SETD1B: variants seen among roughly 807,000 people sequenced by gnomAD.
SETD1B encodes the protein SET domain containing 1B, histone lysine methyltransferase, also known as histone-lysine N-methyltransferase SETD1B.
SETD1B carries 7 observed loss-of-function variants against 148.0 expected under a neutral mutation model. That is an observed-to-expected ratio of 0.05 (90% CI 0.03 to 0.09). The LOEUF (loss-of-function observed/expected upper bound fraction) is 0.09. Among genes scored for constraint, SETD1B ranks in the 10% least tolerant of loss-of-function variants. The pLI is 1.00. For synonymous variants in SETD1B, 1,361 were observed against 1,186.5 expected (o/e 1.15, Z -3.02); for missense variants, 2,155 against 2,729.9 (o/e 0.79, Z 4.69).
chr12:121,820,707 G>A (rs758046397), intron 11 of SETD1B, among the ~76,000 whole-genome samples: 5 of 152,126 alleles, frequency 3.3e-5, no homozygotes, highest in Non-Finnish European at 7.3e-5. Flanking sequence ...CTAATTTTTT[G>A]TATTTTTAGT....
At chr12:121,821,041 A>G (rs1876542987) in intron 11 of SETD1B, among the ~76,000 whole-genome samples, 1 of 152,222 alleles carries the variant, frequency 6.6e-6, no homozygotes, top group South Asian at 2.1e-4. Context: ...GTGCAGATTT[A>G]GGTATACCAG....
intron 4 of SETD1B, among the ~76,000 whole-genome samples, chr12:121,806,951 G>A (rs1240237918): frequency 6.6e-6 from 1 of 152,182 alleles, no homozygotes; most frequent in African/African-American, 2.4e-5. Context: ...AGTGCTTTGA[G>A]GGCCAGCCAG....
At position 121,806,394 on chromosome 12, in the gene SETD1B, A is replaced by T. The variant is rs534925649; in HGVS notation, c.544+289A>T. ...GACACCCCCGCGGGCCCCCTCTCTG[A>T]GCCCTGGTGGCTTGGGTTTAGACAG... On this transcript the variant is annotated intron_variant, in intron 4 of 16. Coordinates refer to ENST00000604567, the MANE Select transcript of SETD1B (RefSeq NM_001353345.2). Among the ~76,000 whole-genome samples, 5 of 152,014 alleles carry T rather than the reference A, an allele frequency of 3.3e-5. No homozygotes were observed. In the East Asian group the frequency reaches 9.7e-4, roughly 29 times the overall value.
rs530729570 is a variant in SETD1B, at chr12:121,831,010, C to G, written c.*771C>G. On this transcript the variant is annotated 3_prime_UTR_variant, in exon 17 of 17. Transcript: ENST00000604567. ...CCTGCCACCTCACACCCCAGCACCC[C>G]CTAAACCTTGGGTTCAATGTTTACT... 1 of 152,618 alleles carries G rather than the reference C, an allele frequency of 6.6e-6. No homozygotes were observed. The highest frequency in any genetic ancestry group is 2.1e-4 in the South Asian group (1 of 4,822). The allele number at this position is 152,618 out of a possible 1,614,324, so 9.5% of individuals were successfully genotyped here.
rs1421899718 is a variant in SETD1B, at chr12:121,810,573, T to C, written c.1628T>C (p.Leu543Pro). ...ISSSSSQLSPLAPFGTNSQPG... is the reference protein window; with the variant it reads ...ISSSSSQLSPPAPFGTNSQPG... Reference sequence around the variant, plus strand: ...TCCTCCTCCTCCCAGCTCTCCCCACTGGCCCCCTTTGGCACCAACTCCCAG... The same window carrying C: ...TCCTCCTCCTCCCAGCTCTCCCCACCGGCCCCCTTTGGCACCAACTCCCAG... The change falls in exon 6 of 17, where the codon CTG becomes CCG. Residue 543 changes from leucine to proline, a missense_variant. This residue lies in a region of SETD1B where 295 missense variants were observed against 303.8 expected (regional missense o/e 0.97). Transcript: ENST00000604567. This position sits in a 1 kb window ranked among gnomAD's most constrained non-coding sequence, Gnocchi z 7.6. 6.5e-7 allele frequency: 1 copy of C among 1,548,098 alleles called. No individual in the cohort carries two copies. Among genetic ancestry groups the C allele is most frequent in the Non-Finnish European group, 8.7e-7 (1 of 1,146,948 alleles).
At chr12:121,822,468 G>A (rs1876603875) in intron 11 of SETD1B, 22 bp from the exon 12 acceptor site, 7 of 1,513,250 alleles carry the variant, frequency 4.6e-6, no homozygotes, top group Admixed American at 2.1e-5. Context: ...TAAATGTCTC[G>A]TGTTCGCTCA....
At position 121,825,306 on chromosome 12, in the gene SETD1B, C is replaced by T. The variant is rs1239769144; in HGVS notation, c.5277C>T (p.Asp1759=). The T allele has an allele frequency of 1.3e-6, 2 of 1,551,864 alleles. No individual in the cohort carries two copies. The highest frequency in any genetic ancestry group is 2.4e-5 in the South Asian group (2 of 84,066). Residue 1759 remains aspartate, a synonymous_variant, in exon 13 of 17, where the codon GAC becomes GAT. Transcript: ENST00000604567. ...GCTTCTACACCATCGACAAGAAGGACAAGCTCAGATACCTCAACAGCAGCC... is the reference window on the plus strand; with the variant it reads ...GCTTCTACACCATCGACAAGAAGGATAAGCTCAGATACCTCAACAGCAGCC... The part of the protein sequence containing the change: ...SEGFYTIDKK[D]KLRYLNSSRA...
At chr12:121,799,866 G>A (rs1003506021), upstream of SETD1B, 1 of 152,208 alleles carries the variant, frequency 6.6e-6, no homozygotes, top group African/African-American at 2.4e-5. Flanking sequence ...AGGACTGTCA[G>A]AGTCAAACTA....
the SETD1B span, among the ~76,000 whole-genome samples, chr12:121,796,868 G>A: frequency 1.3e-5 from 2 of 152,080 alleles, no homozygotes; most frequent in Non-Finnish European, 2.9e-5. Flanking sequence ...GAGAAACCCT[G>A]TCTCTACTAA....
rs1877066361 is a variant in SETD1B, at chr12:121,830,975, C to T, written c.*736C>T. 6.6e-6 allele frequency: 1 copy of T among 152,420 alleles called. No individual in the cohort carries two copies. The highest frequency in any genetic ancestry group is 2.1e-4 in the South Asian group (1 of 4,838). 9.4% of individuals were successfully genotyped at this position (152,420 alleles called of 1,614,324 possible). ...GCTGTCCCAGGCAGGGGTCTCCGCT[C>T]TGGGCTTTCCCTGCCACCTCACACC... On this transcript the variant is annotated 3_prime_UTR_variant, in exon 17 of 17. Transcript: ENST00000604567. This position sits in a 1 kb window ranked among gnomAD's most constrained non-coding sequence, Gnocchi z 5.7.
chr12:121,812,817 C>G (rs944851571), intron 6 of SETD1B, among the ~76,000 whole-genome samples: 3 of 152,056 alleles, frequency 2.0e-5, no homozygotes, highest in Admixed American at 6.5e-5. Context: ...AAGTCCAGAG[C>G]TTCCTGCCGC....
intron 13 of SETD1B, among the ~76,000 whole-genome samples, chr12:121,825,713 C>T (rs1876809013): frequency 6.6e-6 from 1 of 152,008 alleles, no homozygotes; most frequent in Non-Finnish European, 1.5e-5. Flanking sequence ...GGCACAGTCT[C>T]AGCTCACTGC....
At chr12:121,825,600 C>T (rs1020305760) in intron 13 of SETD1B, among the ~76,000 whole-genome samples, 7 of 151,800 alleles carry the variant, frequency 4.6e-5, no homozygotes, top group African/African-American at 1.7e-4. Flanking sequence ...AGGGATGTGA[C>T]GGAGCTGTAT....
At position 121,815,278 on chromosome 12, in the gene SETD1B, A is replaced by G. The variant is rs77935279; in HGVS notation, c.2715+348A>G. Among the ~76,000 whole-genome samples the G allele has an allele frequency of 4.4e-3, 675 of 152,298 alleles. 4 individuals carry two copies. The highest frequency in any genetic ancestry group is 0.015 in the African/African-American group (617 of 41,548). ...CCCATCTCTAAAAATAAATGTGCAA[A>G]TTAACTTAAATGAATTAAAACAGAG... On this transcript the variant is annotated intron_variant, in intron 7 of 16. Transcript: ENST00000604567.
intron 6 of SETD1B, among the ~76,000 whole-genome samples, chr12:121,813,050 C>T (rs1876116349): frequency 6.6e-6 from 1 of 152,118 alleles, no homozygotes; most frequent in African/African-American, 2.4e-5. Flanking sequence ...CACATTTACC[C>T]CTCACCACCG....
In SETD1B at chr12:121,810,950, A is replaced by G; in HGVS notation, c.1890+115A>G. The G allele has an allele frequency of 7.8e-7, 1 of 1,285,670 alleles. No homozygotes were observed. Among genetic ancestry groups the G allele is most frequent in the South Asian group, 1.7e-5 (1 of 60,332 alleles). 79.6% of individuals were successfully genotyped at this position (1,285,670 alleles called of 1,614,324 possible). On this transcript the variant is annotated intron_variant, in intron 6 of 16. Transcript: ENST00000604567. This position sits in a 1 kb window ranked among gnomAD's most constrained non-coding sequence, Gnocchi z 7.6. ...AGATGCGGAAGCAATGGGGCTAGGA[A>G]AGCCAATATAACAGGTGGAACTTAC...
In SETD1B at chr12:121,822,844, T is replaced by C; in HGVS notation, c.4265T>C (p.Leu1422Pro). ...TCCCCTAGCTTGAGCAGTGGGGGCC[T>C]CCCTCGGACACCTGGCCGGGACTTC... ...APSPSLSSGG[L>P]PRTPGRDFSF... is the part of the protein sequence containing the mutation. Residue 1422 changes from leucine to proline, a missense_variant, in exon 12 of 17, where the codon CTC (leucine) becomes CCC (proline). By Grantham distance (98) the Leu-to-Pro change is moderately conservative. Transcript: ENST00000604567. 3 of 1,487,860 alleles carry C rather than the reference T, an allele frequency of 2.0e-6. No homozygotes were observed. Among genetic ancestry groups the C allele is most frequent in the Non-Finnish European group, 2.7e-6 (3 of 1,113,696 alleles). The allele number at this position is 1,487,860 out of a possible 1,614,324, so 92.2% of individuals were successfully genotyped here.
At chr12:121,799,238 T>C (rs928695326), upstream of SETD1B, 13 of 152,280 alleles carry the variant, frequency 8.5e-5, no homozygotes, top group Non-Finnish European at 1.2e-4. Context: ...AGCTGTTCAA[T>C]GGCTCGCCAG....
Position 121,805,038 on chromosome 12 carries a change from A to G in SETD1B, c.175-80A>G, listed in dbSNP as rs1216872500. 5 of 1,489,414 alleles carry G rather than the reference A, an allele frequency of 3.4e-6. No homozygotes were observed. In the African/African-American group the frequency reaches 7.0e-5, roughly 21 times the overall value. 92.3% of individuals were successfully genotyped at this position (1,489,414 alleles called of 1,614,324 possible). On this transcript the variant is annotated intron_variant, in intron 2 of 16. Coordinates refer to ENST00000604567, the MANE Select transcript of SETD1B (RefSeq NM_001353345.2). The surrounding 1 kb of genome is among the most constrained non-coding windows in gnomAD (Gnocchi z 4.2). ...GACGGGGCCCCAGCCCTGGAGTTTG[A>G]CAAGTGCCTCGAGAAAGGGGTCTGC...
Sources: gnomAD v4.1 joint callset for allele counts (sites outside exome capture counted in the v4.1 genomes callset) on GRCh38, gnomAD v4.1.1 for gene constraint, gnomAD v4.1.1 regional missense constraint, Gnocchi (gnomAD v3.1) non-coding constraint, MANE v1.5 for transcripts, NCBI Gene and HGNC (gene_info 2026-07-23, HGNC 2026-07-21) for gene names.